RALGAPA2: variants seen among roughly 807,000 people sequenced by gnomAD.
RALGAPA2 encodes ral GTPase-activating protein subunit alpha-2.
In RALGAPA2, 139 loss-of-function variants were observed where a neutral mutation model predicts 230.4. The ratio of observed to expected loss-of-function variants is 0.60; its 90% CI spans 0.53 to 0.69. The LOEUF (loss-of-function observed/expected upper bound fraction) is 0.69, where lower values mean the gene tolerates loss of function less well. RALGAPA2 is among the 30% of genes least tolerant of loss of function. The pLI is 0.00. For synonymous variants in RALGAPA2, 847 were observed against 837.8 expected, an observed-to-expected ratio of 1.01 and a Z score of -0.19; for missense variants, 2,163 against 2,276.0, an observed-to-expected ratio of 0.95 and a Z score of 1.01.
At chr20:20,543,941 G>GA (rs1315535547) in intron 24 of RALGAPA2, among the ~76,000 whole-genome samples, 2 of 150,576 alleles carry the variant, frequency 1.3e-5, no homozygotes, top group African/African-American at 4.9e-5. Flanking sequence ...GTAAAAAAAA[G>GA]AAAAAACAAA....
At chr20:20,610,109 A>T (rs906155487) in intron 14 of RALGAPA2, among the ~76,000 whole-genome samples, 1 of 150,198 alleles carries the variant, frequency 6.7e-6, no homozygotes, top group African/African-American at 2.5e-5. Flanking sequence ...TATTCTAGAT[A>T]TGCTTTTTAA....
chr20:20,400,465 TA>T (rs936644196), intron 38 of RALGAPA2, among the ~76,000 whole-genome samples: 28 of 152,112 alleles, frequency 1.8e-4, no homozygotes, highest in African/African-American at 6.5e-4. Flanking sequence ...GGATCATTGG[TA>T]AAAAAAATTT....
intron 25 of RALGAPA2, among the ~76,000 whole-genome samples, chr20:20,536,155 T>C (rs1330853515): frequency 6.6e-6 from 1 of 152,254 alleles, no homozygotes; most frequent in Non-Finnish European, 1.5e-5. Flanking sequence ...TATAGTTTGA[T>C]TGATTCTGGG....
At chr20:20,463,770 C>CTTTT (rs1162923031) in intron 37 of RALGAPA2, among the ~76,000 whole-genome samples, 1 of 152,250 alleles carries the variant, frequency 6.6e-6, no homozygotes, top group Admixed American at 6.5e-5. Context: ...ATGGAATGAC[C>CTTTT]TTTTGCTCTT....
intron 1 of RALGAPA2, among the ~76,000 whole-genome samples, chr20:20,694,662 G>A (rs1415969033): frequency 6.6e-6 from 1 of 152,206 alleles, no homozygotes; most frequent in African/African-American, 2.4e-5. Context: ...GAAGTCTTAT[G>A]TAATTCTTCA....
chr20:20,605,361 C>G lies in RALGAPA2; in HGVS notation c.1852G>C (p.Glu618Gln). Residue 618 changes from glutamate to glutamine, a missense_variant, in exon 15 of 40, where the codon GAG becomes CAG. Coordinates refer to ENST00000202677, the MANE Select transcript of RALGAPA2 (RefSeq NM_020343.4). ...ACACCAAGAAAGTCATCCCAGAGCT[C>G]TCGAGAAATGTACACACAGAGGTTT... is the stretch of plus-strand genomic sequence containing the variant. ...RANLCVYISRELWDDFLGVLS... is the reference protein window; with the variant it reads ...RANLCVYISRQLWDDFLGVLS... 1 of 1,613,870 alleles carries G rather than the reference C, an allele frequency of 6.2e-7. No homozygotes were observed. The highest frequency in any genetic ancestry group is 1.1e-5 in the South Asian group (1 of 91,070).
At chr20:20,646,003 A>G (rs1223853614) in intron 4 of RALGAPA2, among the ~76,000 whole-genome samples, 1 of 150,318 alleles carries the variant, frequency 6.7e-6, no homozygotes, top group African/African-American at 2.4e-5. Context: ...GGAGGCACAT[A>G]GCATGAGGAC....
At chr20:20,661,544 G>GA (rs1442368407) in intron 3 of RALGAPA2, among the ~76,000 whole-genome samples, 2 of 152,132 alleles carry the variant, frequency 1.3e-5, no homozygotes, top group African/African-American at 4.8e-5. Context: ...AATGAAAATA[G>GA]AAAGTGCACC....
At chr20:20,549,780 T>C (rs2063873334) in intron 23 of RALGAPA2, among the ~76,000 whole-genome samples, 1 of 152,094 alleles carries the variant, frequency 6.6e-6, no homozygotes, top group Admixed American at 6.5e-5. Flanking sequence ...ATCCCCACCA[T>C]ACATTAAGAC....
In RALGAPA2 at chr20:20,583,241, G is replaced by T; in HGVS notation, c.2531-15C>A. ...GGTACTTTCACCTGGTACAATGGAAGAACCAAAGTTTAAGATAAAAAATAG... is the reference window on the plus strand; with the variant it reads ...GGTACTTTCACCTGGTACAATGGAATAACCAAAGTTTAAGATAAAAAATAG... On this transcript the variant is annotated splice_polypyrimidine_tract_variant and intron_variant, in intron 19 of 39. Transcript: ENST00000202677. 6.3e-7 allele frequency: 1 copy of T among 1,575,144 alleles called. No homozygotes were observed. The highest frequency in any genetic ancestry group is 1.7e-4 in the Middle Eastern group (1 of 5,854).
At chr20:20,549,057 T>C (rs1448975886) in intron 23 of RALGAPA2, among the ~76,000 whole-genome samples, 1 of 152,188 alleles carries the variant, frequency 6.6e-6, no homozygotes, top group Non-Finnish European at 1.5e-5. Flanking sequence ...TTGAAGCTTG[T>C]GGGCTTTAAA....
chr20:20,450,171 A>C (rs1246688476), intron 37 of RALGAPA2, among the ~76,000 whole-genome samples: 3 of 152,248 alleles, frequency 2.0e-5, no homozygotes, highest in African/African-American at 7.2e-5. Flanking sequence ...ACTGTGATGG[A>C]ACTGCGTCCT....
chr20:20,702,646 G>A (rs189025246), intron 1 of RALGAPA2, among the ~76,000 whole-genome samples: 151 of 152,330 alleles, frequency 9.9e-4, no homozygotes, highest in South Asian at 3.1e-3. Flanking sequence ...TCAGGGAGCA[G>A]CAGCTGGGGC....
At chr20:20,563,578 C>T (rs1294230945) in intron 23 of RALGAPA2, among the ~76,000 whole-genome samples, 2 of 152,132 alleles carry the variant, frequency 1.3e-5, no homozygotes, top group East Asian at 1.9e-4. Context: ...CTCGGATGCA[C>T]CCATTTGGCC....
At chr20:20,704,658 A>G (rs1244327481) in intron 1 of RALGAPA2, among the ~76,000 whole-genome samples, 3 of 152,218 alleles carry the variant, frequency 2.0e-5, no homozygotes, top group Non-Finnish European at 4.4e-5. Flanking sequence ...AGGGCTTGCA[A>G]TCCAAAGGAA....
intron 1 of RALGAPA2, among the ~76,000 whole-genome samples, chr20:20,700,417 TAACA>T (rs1177017786): frequency 6.6e-6 from 1 of 152,138 alleles, no homozygotes; most frequent in Non-Finnish European, 1.5e-5. Flanking sequence ...CATACCCACG[TAACA>T]AACCTGCACA....
intron 24 of RALGAPA2, among the ~76,000 whole-genome samples, chr20:20,541,824 C>T (rs2063650521): frequency 6.6e-6 from 1 of 152,130 alleles, no homozygotes; most frequent in Non-Finnish European, 1.5e-5. Flanking sequence ...AGAAAATGAC[C>T]ACCATGTGTG....
intron 23 of RALGAPA2, among the ~76,000 whole-genome samples, chr20:20,553,517 A>G (rs780015582): frequency 2.1e-4 from 32 of 152,160 alleles, no homozygotes; most frequent in Non-Finnish European, 4.3e-4. Flanking sequence ...GTAAGACTGC[A>G]TTCCAGCCCA....
chr20:20,435,280 T>C (rs1273154531), intron 37 of RALGAPA2, among the ~76,000 whole-genome samples: 1 of 152,118 alleles, frequency 6.6e-6, no homozygotes, highest in Non-Finnish European at 1.5e-5. Flanking sequence ...GCTGCAACAA[T>C]ATGGAACTAA....
Sources: allele counts gnomAD v4.1 joint callset (sites outside exome capture counted in the v4.1 genomes callset), GRCh38; gene constraint gnomAD v4.1.1; transcripts MANE v1.5; gene names NCBI Gene and HGNC (gene_info 2026-07-23, HGNC 2026-07-21).